Variants in OR5AS1 observed in about 807,000 individuals in gnomAD.
OR5AS1 encodes olfactory receptor 5AS1.
For synonymous variants in OR5AS1, 196 were observed against 141.7 expected (o/e 1.38, Z -2.72); for missense variants, 492 against 378.2 (o/e 1.30, Z -2.50).
Position 56,031,426 on chromosome 11 carries a change from GC to G in OR5AS1, c.*35del. 7.2e-7 allele frequency: 1 copy of G among 1,394,558 alleles called. No individual in the cohort carries two copies. Among genetic ancestry groups the G allele is most frequent in the Non-Finnish European group, 9.6e-7 (1 of 1,038,158 alleles). The allele number at this position is 1,394,558 out of a possible 1,614,324, so 86.4% of individuals were successfully genotyped here. A position where few individuals can be genotyped will look rare whatever the true frequency, so the allele number is the denominator to read the frequency against. ...TTCCAATCTCATAAACAGCAATTAT[GC>G]CATGAACATCTTATGTGTTAACTAT... On this transcript the variant is annotated 3_prime_UTR_variant, in exon 2 of 2. Coordinates refer to ENST00000641320, the MANE Select transcript of OR5AS1 (RefSeq NM_001001921.2).
intron 1 of OR5AS1, among the ~76,000 whole-genome samples, chr11:56,029,801 T>C (rs1343157325): frequency 3.3e-5 from 5 of 152,046 alleles, no homozygotes; most frequent in Non-Finnish European, 7.4e-5. Flanking sequence ...ATCTTAACTA[T>C]CACAGAAAGT....
Position 56,030,568 on chromosome 11 carries a change from T to C in OR5AS1, c.150T>C (p.Asn50=), listed in dbSNP as rs1414407962. The C allele has an allele frequency of 6.4e-6, 10 of 1,551,618 alleles. No individual in the cohort carries two copies. Among genetic ancestry groups the C allele is most frequent in the Admixed American group, 6.1e-5 (3 of 49,292 alleles). The change falls in exon 2 of 2, where the codon AAT becomes AAC. Residue 50 remains asparagine, a synonymous_variant. Coordinates refer to ENST00000641320, the MANE Select transcript of OR5AS1 (RefSeq NM_001001921.2). Reference sequence around the variant, plus strand: ...ATATACTCTTAATAATTCTAGTTAATATTAATTCAAGCCTTCAAATTCCCA... The same window carrying C: ...ATATACTCTTAATAATTCTAGTTAACATTAATTCAAGCCTTCAAATTCCCA... ...VGNILLIILV[N]INSSLQIPMY...
In OR5AS1 at chr11:56,036,600, A is replaced by T. The variant is rs1853407973; in HGVS notation, c.*5207A>T. 1.3e-5 allele frequency: 2 copies of T among 152,118 alleles called. No individual in the cohort carries two copies. Among genetic ancestry groups the T allele is most frequent in the Admixed American group, 1.3e-4 (2 of 15,260 alleles). The allele number at this position is 152,118 out of a possible 1,614,324, so 9.4% of individuals were successfully genotyped here. ...AATCCAGGAAGAAGTCAAATCCATG[A>T]ATAGACCAAAAACAAGTCCCAAAAT... On this transcript the variant is annotated 3_prime_UTR_variant, in exon 2 of 2. Coordinates refer to ENST00000641320, the MANE Select transcript of OR5AS1 (RefSeq NM_001001921.2).
Position 56,031,578 on chromosome 11 carries a change from CAT to C in OR5AS1, c.*187_*188del, listed in dbSNP as rs1565026748. On this transcript the variant is annotated 3_prime_UTR_variant, in exon 2 of 2. Transcript: ENST00000641320. ...CTCTATAAAACATTACCTAATTAAA[CAT>C]AGTCATTATTTATATCCAATTAGTG... is the stretch of plus-strand genomic sequence containing the variant. 4.3e-6 allele frequency: 2 copies of C among 461,682 alleles called. No homozygotes were observed. The highest frequency in any genetic ancestry group is 6.7e-5 in the East Asian group (2 of 29,890). 28.6% of individuals were successfully genotyped at this position (461,682 alleles called of 1,614,324 possible).
At chr11:56,030,325 A>G (rs2134691448) in intron 1 of OR5AS1, 66 bp from the exon 2 acceptor site, 2 of 663,876 alleles carry the variant, frequency 3.0e-6, no homozygotes, top group East Asian at 5.9e-5. Flanking sequence ...TCCTTAGAAG[A>G]GAGAATAAAG....
chr11:56,030,511 C>G lies in OR5AS1; in HGVS notation c.93C>G (p.Phe31Leu), dbSNP rs2134691797. Residue 31 changes from phenylalanine to leucine, a missense_variant, in exon 2 of 2, where the codon TTC becomes TTG. Coordinates refer to ENST00000641320, the MANE Select transcript of OR5AS1 (RefSeq NM_001001921.2). ...LPLRVTLFLV[F>L]LLVYTLTMVG... is the part of the protein sequence containing the mutation. ...TCAGAGTCACACTGTTCTTGGTATTCCTTCTGGTATATACATTAACTATGG... is the reference window on the plus strand; with the variant it reads ...TCAGAGTCACACTGTTCTTGGTATTGCTTCTGGTATATACATTAACTATGG... 6.5e-7 allele frequency: 1 copy of G among 1,542,826 alleles called. No homozygotes were observed. The highest frequency in any genetic ancestry group is 8.8e-7 in the Non-Finnish European group (1 of 1,141,720).
At position 56,034,977 on chromosome 11, in the gene OR5AS1, A is replaced by G. The variant is rs904739368; in HGVS notation, c.*3584A>G. On this transcript the variant is annotated 3_prime_UTR_variant, in exon 2 of 2. Coordinates refer to ENST00000641320, the MANE Select transcript of OR5AS1 (RefSeq NM_001001921.2). ...TGGGGGCCAATATCCAACAGTCTTA[A>G]AGAAAAGAATTTTAAATGCAGAGTT... The G allele has an allele frequency of 5.3e-5, 8 of 152,304 alleles. No homozygotes were observed. The highest frequency in any genetic ancestry group is 1.9e-4 in the African/African-American group (8 of 41,532). The allele number at this position is 152,304 out of a possible 1,614,324, so 9.4% of individuals were successfully genotyped here.
chr11:56,037,624 T>G lies in OR5AS1; in HGVS notation c.*6231T>G, dbSNP rs995901932. 2 of 151,872 alleles carry G rather than the reference T, an allele frequency of 1.3e-5. No individual in the cohort carries two copies. The highest frequency in any genetic ancestry group is 4.8e-5 in the African/African-American group (2 of 41,294). 9.4% of individuals were successfully genotyped at this position (151,872 alleles called of 1,614,324 possible). ...GGAAATAAGAGAGGACACAAACAAA[T>G]GGAAAAACATTCCATGCTCATGGAT... On this transcript the variant is annotated 3_prime_UTR_variant, in exon 2 of 2. Coordinates refer to ENST00000641320, the MANE Select transcript of OR5AS1 (RefSeq NM_001001921.2).
Position 56,036,400 on chromosome 11 carries a change from A to G in OR5AS1, c.*5007A>G, listed in dbSNP as rs1001821139. On this transcript the variant is annotated 3_prime_UTR_variant, in exon 2 of 2. Transcript: ENST00000641320. The stretch of plus-strand genomic sequence containing the variant: ...AGAACACTAGCCAGACTAATAAAGA[A>G]GAAAAGAGAGAAGAATCAAATAGAC... 6.6e-6 allele frequency: 1 copy of G among 152,134 alleles called. No individual in the cohort carries two copies. The highest frequency in any genetic ancestry group is 2.4e-5 in the African/African-American group (1 of 41,404). The allele number at this position is 152,134 out of a possible 1,614,324, so 9.4% of individuals were successfully genotyped here.
intron 1 of OR5AS1, among the ~76,000 whole-genome samples, chr11:56,029,882 A>G (rs536032381): frequency 6.5e-4 from 99 of 151,186 alleles, no homozygotes; most frequent in African/African-American, 2.2e-3. Context: ...CATCTCTTCC[A>G]TAATTACCAT....
At position 56,031,179 on chromosome 11, in the gene OR5AS1, C is replaced by T. The variant is rs530637473; in HGVS notation, c.761C>T (p.Ala254Val). 23 of 1,613,926 alleles carry T rather than the reference C, an allele frequency of 1.4e-5. No homozygotes were observed. Among genetic ancestry groups the T allele is most frequent in the African/African-American group, 1.1e-4 (8 of 74,942 alleles). The change falls in exon 2 of 2, where the codon GCG becomes GTG. Residue 254 changes from alanine (A) to valine (V), a missense_variant. Coordinates refer to ENST00000641320, the MANE Select transcript of OR5AS1 (RefSeq NM_001001921.2). The part of the protein sequence containing the change: ...HLIAVTLFYG[A>V]LLFMYLQPTT... ...ATAGCAGTCACCTTATTCTATGGAG[C>T]GCTCCTGTTTATGTACTTACAGCCC...
In OR5AS1 at chr11:56,032,128, T is replaced by A. The variant is rs1853358098; in HGVS notation, c.*735T>A. On this transcript the variant is annotated 3_prime_UTR_variant, in exon 2 of 2. Transcript: ENST00000641320. The stretch of plus-strand genomic sequence containing the variant: ...TAGTCTCATTATTATTAAGTCAGAA[T>A]GAAGATACATCACATTGTCTTTGGG... The A allele has an allele frequency of 6.6e-6, 1 of 152,148 alleles. No homozygotes were observed. Among genetic ancestry groups the A allele is most frequent in the Non-Finnish European group, 1.5e-5 (1 of 68,030 alleles). The allele number at this position is 152,148 out of a possible 1,614,324, so 9.4% of individuals were successfully genotyped here. A position where few individuals can be genotyped will look rare whatever the true frequency, so the allele number is the denominator to read the frequency against.
chr11:56,037,983 G>C lies in OR5AS1; in HGVS notation c.*6590G>C, dbSNP rs1359296952. The C allele has an allele frequency of 6.6e-6, 1 of 152,098 alleles. No individual in the cohort carries two copies. The highest frequency in any genetic ancestry group is 1.5e-5 in the Non-Finnish European group (1 of 68,034). The allele number at this position is 152,098 out of a possible 1,614,324, so 9.4% of individuals were successfully genotyped here. A position where few individuals can be genotyped will look rare whatever the true frequency, so the allele number is the denominator to read the frequency against. The stretch of plus-strand genomic sequence containing the variant: ...TAACACCACACATCTACAACCATCT[G>C]ATCTTTGACAAACCTGACAAAAACA... On this transcript the variant is annotated 3_prime_UTR_variant, in exon 2 of 2. Transcript: ENST00000641320.
rs61889980 is a variant in OR5AS1 at position 56,032,760 on chromosome 11, C to A, written c.*1367C>A. The A allele has an allele frequency of 0.06, 9,151 of 152,164 alleles. 380 individuals are homozygous for A. Among genetic ancestry groups the A allele is most frequent in the Non-Finnish European group, 0.084 (5,731 of 68,018 alleles). 9.4% of individuals were successfully genotyped at this position (152,164 alleles called of 1,614,324 possible). A position where few individuals can be genotyped will look rare whatever the true frequency, so the allele number is the denominator to read the frequency against. On this transcript the variant is annotated 3_prime_UTR_variant, in exon 2 of 2. Transcript: ENST00000641320. ...TCTCTTCTAGATCACTACAATAAAG[C>A]AACTGACGCAGTAAAGTGTCACACA...
intron 1 of OR5AS1, among the ~76,000 whole-genome samples, chr11:56,028,570 C>A (rs1853317750): frequency 6.6e-6 from 1 of 152,008 alleles, no homozygotes. Context: ...TCCCTAAGAT[C>A]CAGTGGGGTC....
intron 1 of OR5AS1, among the ~76,000 whole-genome samples, chr11:56,029,136 G>A (rs17600820): frequency 0.06 from 9,146 of 152,006 alleles, 379 homozygotes; most frequent in Non-Finnish European, 0.084. Context: ...GCTGGAGAAA[G>A]GAGGTTCTGA....
At position 56,031,467 on chromosome 11, in the gene OR5AS1, A is replaced by G; in HGVS notation, c.*74A>G. 9.0e-7 allele frequency: 1 copy of G among 1,105,658 alleles called. No individual in the cohort carries two copies. The highest frequency in any genetic ancestry group is 2.4e-5 in the East Asian group (1 of 42,072). 68.5% of individuals were successfully genotyped at this position (1,105,658 alleles called of 1,614,324 possible). ...GTGTTAACTATTTTAAATTTATCAC[A>G]TTTTCAGAAATAAAGATAACTTGTT... is the stretch of plus-strand genomic sequence containing the variant. On this transcript the variant is annotated 3_prime_UTR_variant, in exon 2 of 2. Coordinates refer to ENST00000641320, the MANE Select transcript of OR5AS1 (RefSeq NM_001001921.2).
chr11:56,031,082 C>T lies in OR5AS1; in HGVS notation c.664C>T (p.Leu222Phe), dbSNP rs141699211. The change falls in exon 2 of 2, where the codon CTC (leucine) becomes TTC (phenylalanine). Residue 222 changes from leucine (L) to phenylalanine (F), a missense_variant. By Grantham distance (22) the Leu-to-Phe change is conservative (BLOSUM62 0). Coordinates refer to ENST00000641320, the MANE Select transcript of OR5AS1 (RefSeq NM_001001921.2). ...AATATTTATTTCTTACTTCTGCATC[C>T]TCATCACTGTGTTGAGCATCAAGTC... ...VVIFISYFCI[L>F]ITVLSIKSSG... 14 of 1,613,896 alleles carry T rather than the reference C, an allele frequency of 8.7e-6. No individual in the cohort carries two copies. In the African/African-American group the frequency reaches 1.5e-4, roughly 17 times the overall value.
chr11:56,029,443 G>C (rs996695342), intron 1 of OR5AS1, among the ~76,000 whole-genome samples: 4 of 151,544 alleles, frequency 2.6e-5, no homozygotes, highest in Non-Finnish European at 5.9e-5. Flanking sequence ...TCAGAGATTA[G>C]AAAGTAAACT....
Sources: gnomAD v4.1 joint callset for allele counts (sites outside exome capture counted in the v4.1 genomes callset) on GRCh38, gnomAD v4.1.1 for gene constraint, MANE v1.5 for transcripts, NCBI Gene and HGNC (gene_info 2026-07-23, HGNC 2026-07-21) for gene names.